TMPRSS7: variants seen among roughly 807,000 people sequenced by gnomAD.
The protein encoded by TMPRSS7 is transmembrane serine protease 7, also known as transmembrane protease serine 7.
A neutral mutation model predicts 95.6 loss-of-function variants in TMPRSS7; 81 were observed. The observed-to-expected ratio is 0.85, with a 90% CI of 0.71 to 1.02. TMPRSS7 has a LOEUF of 1.02. Among genes scored for constraint, TMPRSS7 ranks in the 50% least tolerant of loss-of-function variants. The pLI is 0.00. For missense variants in TMPRSS7, 945 were observed against 955.2 expected (o/e 0.99, Z 0.14); for synonymous variants, 364 against 337.8 (o/e 1.08, Z -0.85).
In TMPRSS7 at chr3:112,080,910, G is replaced by T; in HGVS notation, c.2362-4G>T. On this transcript the variant is annotated splice_polypyrimidine_tract_variant and splice_region_variant and intron_variant, in intron 17 of 17. Coordinates refer to ENST00000452346, the Ensembl canonical transcript of TMPRSS7. ...CTTTATACTTACATTTTTTGTGTGT[G>T]TAGGGAGATTCGGGTGGACCTTTAT... The T allele has an allele frequency of 1.9e-6, 3 of 1,611,394 alleles. No homozygotes were observed. The highest frequency in any genetic ancestry group is 2.2e-5 in the South Asian group (2 of 90,510).
intron 12 of TMPRSS7, among the ~76,000 whole-genome samples, chr3:112,066,089 T>G (rs1364479816): frequency 6.6e-6 from 1 of 152,242 alleles, no homozygotes; most frequent in South Asian, 2.1e-4. Context: ...TCACAGCTTA[T>G]GATTTCTATC....
exon 3 of TMPRSS7, chr3:112,042,020 T>C (rs1175958300): frequency 1.3e-6 from 2 of 1,551,634 alleles, no homozygotes. Context: ...CCAGGGAATT[T>C]CTTTCAGTGT....
At chr3:112,042,831 G>A (rs999752701) in intron 3 of TMPRSS7, 14 of 336,472 alleles carry the variant, frequency 4.2e-5, no homozygotes, top group African/African-American at 2.6e-4. Flanking sequence ...TTTCCTAAAA[G>A]CATAATTACT....
At chr3:112,042,231 A>G (rs2073217914) in intron 3 of TMPRSS7, among the ~76,000 whole-genome samples, 181 bp downstream of exon 3, 1 of 152,040 alleles carries the variant, frequency 6.6e-6, no homozygotes, top group African/African-American at 2.4e-5. Context: ...TATAAGATAG[A>G]ATTTCTCCCC....
chr3:112,040,903 T>C (rs1305418233), intron 2 of TMPRSS7, among the ~76,000 whole-genome samples: 1 of 152,148 alleles, frequency 6.6e-6, no homozygotes, highest in Non-Finnish European at 1.5e-5. Flanking sequence ...CGGAGGATCT[T>C]GTACATTAGG....
intron 6 of TMPRSS7, 31 bp from the exon 7 acceptor site, chr3:112,047,707 GA>G: frequency 2.0e-6 from 3 of 1,473,974 alleles, no homozygotes; most frequent in Non-Finnish European, 1.9e-6. Flanking sequence ...TAAAAAAAAA[GA>G]AAATAAAGGA....
chr3:112,074,587 G>A (rs879035276), intron 14 of TMPRSS7, among the ~76,000 whole-genome samples, 175 bp downstream of exon 14: 1 of 152,074 alleles, frequency 6.6e-6, no homozygotes, highest in East Asian at 1.9e-4. Context: ...TAAAAACTCT[G>A]GAATGGATTC....
chr3:112,034,986 A>G, intron 1 of TMPRSS7, 93 bp downstream of exon 1: 1 of 663,570 alleles, frequency 1.5e-6, no homozygotes. Flanking sequence ...ATAAACATAA[A>G]GGAAACAATA....
chr3:112,080,531 A>ACTACTACTACTACTACCACCACTG (rs2073765001), intron 17 of TMPRSS7, among the ~76,000 whole-genome samples: 3 of 127,474 alleles, frequency 2.4e-5, no homozygotes, highest in African/African-American at 8.9e-5. Context: ...AGCCCTCACT[A>ACTACTACTACTACTACCACCACTG]CTACTACTAC....
chr3:112,079,927 T>G (rs2073757606), intron 17 of TMPRSS7, among the ~76,000 whole-genome samples: 1 of 152,214 alleles, frequency 6.6e-6, no homozygotes, highest in African/African-American at 2.4e-5. Flanking sequence ...CTTGCCTCTC[T>G]AATGCTAAGG....
intron 3 of TMPRSS7, 62 bp from the exon 4 acceptor site, chr3:112,044,193 A>T: frequency 8.2e-7 from 1 of 1,226,498 alleles, no homozygotes; most frequent in African/African-American, 1.5e-5. Flanking sequence ...TACAACATTT[A>T]AGATACTGTA....
chr3:112,036,437 G>A (rs1042319002), intron 1 of TMPRSS7, among the ~76,000 whole-genome samples: 1 of 152,050 alleles, frequency 6.6e-6, no homozygotes, highest in Non-Finnish European at 1.5e-5. Context: ...GTGTGGTGGT[G>A]AGTGCCTGTA....
At chr3:112,044,118 T>A in intron 3 of TMPRSS7, 137 bp from the exon 4 acceptor site, 1 of 588,270 alleles carries the variant, frequency 1.7e-6, no homozygotes. Flanking sequence ...AATGCCGGGG[T>A]GTGGAGTTAG....
chr3:112,072,366 T>C (rs1022578882), intron 13 of TMPRSS7, among the ~76,000 whole-genome samples: 5 of 152,230 alleles, frequency 3.3e-5, no homozygotes, highest in Admixed American at 2.6e-4. Context: ...CACCCGCCTA[T>C]ATGAGGTGTC....
chr3:112,045,813 A>G (rs1277864312), exon 5 of TMPRSS7: 1 of 1,551,576 alleles, frequency 6.4e-7, no homozygotes, highest in Non-Finnish European at 8.7e-7. Flanking sequence ...CACGTGCCAA[A>G]GGCCACATCT....
In TMPRSS7 at chr3:112,060,276, C is replaced by T. The variant is rs532210667; in HGVS notation, c.1311-1511C>T. Among the ~76,000 whole-genome samples, 36 of 152,240 alleles carry T rather than the reference C, an allele frequency of 2.4e-4. No individual in the cohort carries two copies. The East Asian group carries it at 3.3e-3, about 14-fold the overall frequency. On this transcript the variant is annotated intron_variant, in intron 10 of 17. Transcript: ENST00000452346. ...AAAATTAAAATTGCTAATGAAGTTT[C>T]GGGCACACATTGTCATTGATAACAT...
chr3:112,052,027 C>T (rs955784092), intron 9 of TMPRSS7, among the ~76,000 whole-genome samples: 17 of 152,110 alleles, frequency 1.1e-4, no homozygotes, highest in Admixed American at 1.0e-3. Context: ...AGCAGCCCTG[C>T]TCTCATGGAG....
exon 15 of TMPRSS7, chr3:112,075,364 C>T: frequency 6.7e-7 from 1 of 1,493,962 alleles, no homozygotes; most frequent in African/African-American, 1.4e-5. Context: ...TCATCGGAGG[C>T]ACAGACACCC....
chr3:112,059,763 CAA>C (rs1376837247), intron 10 of TMPRSS7, among the ~76,000 whole-genome samples: 5 of 152,186 alleles, frequency 3.3e-5, no homozygotes, highest in Middle Eastern at 3.2e-3. Flanking sequence ...CAGCCAATTG[CAA>C]AAGACTCTTC....
Sources: gnomAD v4.1 joint callset for allele counts (sites outside exome capture counted in the v4.1 genomes callset) on GRCh38, gnomAD v4.1.1 for gene constraint, MANE v1.5 for transcripts, NCBI Gene and HGNC (gene_info 2026-07-23, HGNC 2026-07-21) for gene names.